NCAM2: variants seen among roughly 807,000 people sequenced by gnomAD.
NCAM2 encodes the protein neural cell adhesion molecule 2.
Under a neutral mutation model 98.1 loss-of-function variants are expected in NCAM2, and 30 were observed. That is an observed-to-expected ratio of 0.31 (90% confidence interval 0.23 to 0.41). The LOEUF is 0.41. Among genes scored for constraint, NCAM2 ranks in the 10% least tolerant of loss-of-function variants. The probability of loss-of-function intolerance (pLI) is 1.00; values close to 1 mark genes in which losing one functional copy is unlikely to be tolerated. For missense variants in NCAM2, 867 were observed against 1,005.8 expected (o/e 0.86, Z 1.87); for synonymous variants, 368 against 342.4 (o/e 1.07, Z -0.83).
intron 1 of NCAM2, among the ~76,000 whole-genome samples, chr21:21,163,972 A>C (rs1324295137): frequency 6.6e-6 from 1 of 152,178 alleles, no homozygotes; most frequent in Non-Finnish European, 1.5e-5. Context: ...GGATTAGACC[A>C]ATGCAATGGA....
chr21:21,272,265 T>G (rs1354883030), intron 1 of NCAM2, among the ~76,000 whole-genome samples: 1 of 152,166 alleles, frequency 6.6e-6, no homozygotes, highest in Non-Finnish European at 1.5e-5. Context: ...GTGATTACTC[T>G]GAAATGGCAC....
intron 1 of NCAM2, among the ~76,000 whole-genome samples, chr21:21,265,175 ATG>A (rs1159010287): frequency 8.0e-6 from 1 of 125,290 alleles, no homozygotes; most frequent in East Asian, 2.3e-4. Context: ...TATATTATAT[ATG>A]TATATATAAT....
intron 15 of NCAM2, among the ~76,000 whole-genome samples, chr21:21,503,640 T>C (rs916283840): frequency 5.9e-5 from 9 of 151,966 alleles, no homozygotes; most frequent in Admixed American, 1.3e-4. Flanking sequence ...GACTACTGTA[T>C]ATAAGACATT....
rs187627730 is a variant in NCAM2, at chr21:21,412,931, T to C, written c.1383+2470T>C. Among the ~76,000 whole-genome samples the C allele has an allele frequency of 2.0e-5, 3 of 152,222 alleles. No individual in the cohort carries two copies. In the East Asian group the frequency reaches 5.8e-4, roughly 29 times the overall value. ...TAAAAGTCATATATGTGCTAATTCT[T>C]TAGAATATAAAAGGAAATATAGGAA... On this transcript the variant is annotated intron_variant, in intron 10 of 17. Coordinates refer to ENST00000400546, the MANE Select transcript of NCAM2 (RefSeq NM_004540.5).
intron 1 of NCAM2, among the ~76,000 whole-genome samples, chr21:21,238,530 A>G (rs2070935465): frequency 7.1e-6 from 1 of 141,098 alleles, no homozygotes; most frequent in African/African-American, 2.7e-5. Flanking sequence ...GTGAAATCAT[A>G]AAGATGTTCA....
intron 11 of NCAM2, among the ~76,000 whole-genome samples, chr21:21,423,219 T>C (rs2077147586): frequency 6.6e-6 from 1 of 152,160 alleles, no homozygotes; most frequent in Non-Finnish European, 1.5e-5. Context: ...GACTTGGCTG[T>C]TAGCTGTCAT....
At chr21:21,087,484 A>G (rs1000832833) in intron 1 of NCAM2, among the ~76,000 whole-genome samples, 17 of 152,156 alleles carry the variant, frequency 1.1e-4, no homozygotes, top group Admixed American at 1.1e-3. Flanking sequence ...CTGTTCTCCT[A>G]TTGGTCCTTT....
chr21:21,059,749 T>C, intron 1 of NCAM2, among the ~76,000 whole-genome samples: 1 of 152,070 alleles, frequency 6.6e-6, no homozygotes, highest in East Asian at 1.9e-4. Context: ...TTAGCCAATG[T>C]CTAGAGACAT....
chr21:21,093,109 A>G (rs1056371821), intron 1 of NCAM2, among the ~76,000 whole-genome samples: 1 of 152,214 alleles, frequency 6.6e-6, no homozygotes, highest in East Asian at 1.9e-4. Context: ...TAAATTATTT[A>G]ATAAGAATAA....
intron 1 of NCAM2, among the ~76,000 whole-genome samples, chr21:21,000,069 A>G (rs1194324187): frequency 1.3e-5 from 2 of 152,358 alleles, no homozygotes; most frequent in East Asian, 1.9e-4. Context: ...AATTGCAGAT[A>G]TGTCCATCTG....
chr21:21,112,459 G>C (rs533851397), intron 1 of NCAM2, among the ~76,000 whole-genome samples: 1 of 152,202 alleles, frequency 6.6e-6, no homozygotes, highest in African/African-American at 2.4e-5. Flanking sequence ...TATCAACAGT[G>C]TTGGCTTTCT....
At chr21:21,451,077 A>T (rs534931864) in intron 12 of NCAM2, among the ~76,000 whole-genome samples, 2 of 152,210 alleles carry the variant, frequency 1.3e-5, no homozygotes, top group South Asian at 4.1e-4. Flanking sequence ...TTGCTCATAC[A>T]GGTATTTTGC....
chr21:21,216,407 A>G (rs1046767010), intron 1 of NCAM2, among the ~76,000 whole-genome samples: 2 of 152,140 alleles, frequency 1.3e-5, no homozygotes, highest in South Asian at 2.1e-4. Context: ...TTACAAACCA[A>G]CTGAGAAATA....
intron 12 of NCAM2, among the ~76,000 whole-genome samples, chr21:21,455,689 G>T (rs1343028312): frequency 6.6e-6 from 1 of 151,882 alleles, no homozygotes; most frequent in African/African-American, 2.4e-5. Context: ...AATATTTAGT[G>T]ATGTGAAAAT....
chr21:21,048,892 C>T (rs888185584), intron 1 of NCAM2, among the ~76,000 whole-genome samples: 55 of 152,170 alleles, frequency 3.6e-4, no homozygotes, highest in African/African-American at 1.3e-3. Flanking sequence ...GGGTTTAATT[C>T]TCCTGACCTT....
intron 1 of NCAM2, among the ~76,000 whole-genome samples, chr21:21,108,888 G>C (rs1427509928): frequency 6.6e-6 from 1 of 152,050 alleles, no homozygotes; most frequent in East Asian, 1.9e-4. Flanking sequence ...AACTTATAGG[G>C]TAAATCAACC....
intron 1 of NCAM2, among the ~76,000 whole-genome samples, chr21:21,113,408 T>G (rs540413438): frequency 5.9e-5 from 9 of 152,300 alleles, no homozygotes; most frequent in African/African-American, 2.2e-4. Flanking sequence ...ATCTAAGCAC[T>G]TAACGGTGCA....
chr21:21,345,597 A>C (rs1464180788), intron 8 of NCAM2, among the ~76,000 whole-genome samples: 4 of 152,054 alleles, frequency 2.6e-5, no homozygotes, highest in African/African-American at 9.7e-5. Flanking sequence ...GAATAAAAAA[A>C]ATGAAGCATG....
chr21:21,286,255 C>G lies in NCAM2; in HGVS notation c.338-14C>G. ...GATTTGTGATTTGTGATTTGTTTTA[C>G]TTTGTTGATACAGAAAAACTCACTT... is the stretch of plus-strand genomic sequence containing the variant. On this transcript the variant is annotated splice_polypyrimidine_tract_variant and intron_variant, in intron 3 of 17. Coordinates refer to ENST00000400546, the MANE Select transcript of NCAM2 (RefSeq NM_004540.5). 6.4e-7 allele frequency: 1 copy of G among 1,572,628 alleles called. No individual in the cohort carries two copies. The highest frequency in any genetic ancestry group is 8.6e-7 in the Non-Finnish European group (1 of 1,156,722).
Sources: allele counts gnomAD v4.1 joint callset (sites outside exome capture counted in the v4.1 genomes callset), GRCh38; gene constraint gnomAD v4.1.1; transcripts MANE v1.5; gene names NCBI Gene and HGNC (gene_info 2026-07-23, HGNC 2026-07-21).